PDE7B: variants seen among roughly 807,000 people sequenced by gnomAD.
The protein encoded by PDE7B is 3',5'-cyclic-AMP phosphodiesterase 7B.
PDE7B carries 29 observed loss-of-function variants against 56.2 expected under a neutral mutation model. The ratio of observed to expected loss-of-function variants is 0.52; its 90% CI spans 0.38 to 0.70. PDE7B has a LOEUF of 0.70. Among genes scored for constraint, PDE7B ranks in the 30% least tolerant of loss-of-function variants. PDE7B has a pLI of 0.00. For synonymous variants in PDE7B, 197 were observed against 196.9 expected (o/e 1.00, Z 0.00); for missense variants, 490 against 565.0 (o/e 0.87, Z 1.35).
intron 1 of PDE7B, among the ~76,000 whole-genome samples, chr6:135,922,901 T>G (rs898951430): frequency 9.2e-5 from 14 of 152,216 alleles, no homozygotes; most frequent in African/African-American, 3.1e-4. Flanking sequence ...AGATGCAGTA[T>G]GACTTTACGA....
At chr6:136,181,008 T>C (rs1049621072) in intron 10 of PDE7B, among the ~76,000 whole-genome samples, 1 of 152,236 alleles carries the variant, frequency 6.6e-6, no homozygotes, top group Admixed American at 6.5e-5. Context: ...ACTGTGGCTC[T>C]TCTCTCCTCA....
intron 8 of PDE7B, among the ~76,000 whole-genome samples, chr6:136,169,934 G>C (rs1166924097): frequency 2.0e-5 from 3 of 152,166 alleles, no homozygotes; most frequent in Non-Finnish European, 2.9e-5. Context: ...TTAGTGAAAT[G>C]AATAGCAATA....
intron 1 of PDE7B, among the ~76,000 whole-genome samples, chr6:135,923,054 T>G (rs978500475): frequency 6.6e-6 from 1 of 152,208 alleles, no homozygotes; most frequent in Non-Finnish European, 1.5e-5. Flanking sequence ...AAAACCTCCC[T>G]GCTTCACTAG....
rs570349208 is a variant in PDE7B at position 135,979,555 on chromosome 6, T to G, written c.82+32031T>G. On this transcript the variant is annotated intron_variant, in intron 2 of 12. Coordinates refer to ENST00000308191, the MANE Select transcript of PDE7B (RefSeq NM_018945.4). ...TATTGATTATTGCCACAATTTCAGA[T>G]CCTGTTATTGGTCTATTCAGAGATT... is the stretch of plus-strand genomic sequence containing the variant. Among the ~76,000 whole-genome samples the G allele has an allele frequency of 6.4e-3, 971 of 152,074 alleles. 7 individuals carry two copies. The highest frequency in any genetic ancestry group is 0.022 in the African/African-American group (914 of 41,486).
intron 11 of PDE7B, among the ~76,000 whole-genome samples, chr6:136,181,736 T>G (rs1779070580): frequency 6.6e-6 from 1 of 150,780 alleles, no homozygotes; most frequent in Admixed American, 6.6e-5. Context: ...TTAGACTCCT[T>G]TTGTATTCCT....
At chr6:136,017,783 G>C (rs1382816361) in intron 2 of PDE7B, among the ~76,000 whole-genome samples, 1 of 152,052 alleles carries the variant, frequency 6.6e-6, no homozygotes, top group African/African-American at 2.4e-5. Flanking sequence ...TCTCTAATTA[G>C]CATAGGAAAT....
At chr6:136,123,507 G>A (rs1224868638) in intron 3 of PDE7B, among the ~76,000 whole-genome samples, 1 of 152,134 alleles carries the variant, frequency 6.6e-6, no homozygotes, top group Admixed American at 6.6e-5. Context: ...CATCTCAGAA[G>A]GAAATGTCTT....
In PDE7B at chr6:136,193,342, A is replaced by T. The variant is rs1430465546; in HGVS notation, c.*1502A>T. On this transcript the variant is annotated 3_prime_UTR_variant, in exon 13 of 13. Transcript: ENST00000308191. ...CTTAATCTCATGTGAACAACTACCC[A>T]ACTGTTTAGCTGAAGTTCATATTAT... 2 of 152,648 alleles carry T rather than the reference A, an allele frequency of 1.3e-5. No homozygotes were observed. Among genetic ancestry groups the T allele is most frequent in the Admixed American group, 1.3e-4 (2 of 15,288 alleles). 9.5% of individuals were successfully genotyped at this position (152,648 alleles called of 1,614,324 possible). A position where few individuals can be genotyped will look rare whatever the true frequency, so the allele number is the denominator to read the frequency against.
chr6:136,055,002 T>A (rs1277275701), intron 2 of PDE7B, among the ~76,000 whole-genome samples: 2 of 152,210 alleles, frequency 1.3e-5, no homozygotes, highest in Non-Finnish European at 1.5e-5. Flanking sequence ...TAGGGACTAT[T>A]ACAATTCAAG....
chr6:135,878,723 A>G (rs1008836805), intron 1 of PDE7B, among the ~76,000 whole-genome samples: 1 of 152,178 alleles, frequency 6.6e-6, no homozygotes, highest in East Asian at 1.9e-4. Flanking sequence ...TTGGGAGGGT[A>G]TCTTCTTTTC....
At chr6:136,046,543 C>T (rs780959495) in intron 2 of PDE7B, among the ~76,000 whole-genome samples, 3 of 152,224 alleles carry the variant, frequency 2.0e-5, no homozygotes, top group African/African-American at 7.2e-5. Context: ...CAATGTTTCT[C>T]CTGCACACGC....
At chr6:135,945,386 C>T (rs1257724036) in intron 1 of PDE7B, among the ~76,000 whole-genome samples, 1 of 152,148 alleles carries the variant, frequency 6.6e-6, no homozygotes, top group Non-Finnish European at 1.5e-5. Context: ...CTCTTTTGCA[C>T]CCTTAATCTG....
rs574778986 is a variant in PDE7B at position 136,140,286 on chromosome 6, C to T, written c.167-7065C>T. ...GTCAAAGACCAGAGAGTTGTAGATACGCAGCATTATTTCTGAGGGCTCTGT... is the reference window on the plus strand; with the variant it reads ...GTCAAAGACCAGAGAGTTGTAGATATGCAGCATTATTTCTGAGGGCTCTGT... On this transcript the variant is annotated intron_variant, in intron 3 of 12. Coordinates refer to ENST00000308191, the MANE Select transcript of PDE7B (RefSeq NM_018945.4). Among the ~76,000 whole-genome samples the T allele has an allele frequency of 2.0e-3, 299 of 151,990 alleles. 3 individuals are homozygous for T. Among genetic ancestry groups the T allele is most frequent in the African/African-American group, 6.3e-3 (262 of 41,478 alleles).
chr6:135,924,947 A>G (rs564817272), intron 1 of PDE7B, among the ~76,000 whole-genome samples: 1 of 150,814 alleles, frequency 6.6e-6, no homozygotes, highest in African/African-American at 2.4e-5. Flanking sequence ...TGGGTGATGG[A>G]TATAGTTTTA....
intron 3 of PDE7B, among the ~76,000 whole-genome samples, chr6:136,142,736 G>A (rs1301977081): frequency 6.6e-6 from 1 of 152,036 alleles, no homozygotes; most frequent in African/African-American, 2.4e-5. Context: ...GATCTTTGCT[G>A]GTTTAAAGTC....
intron 1 of PDE7B, among the ~76,000 whole-genome samples, chr6:135,897,649 A>G (rs1775926170): frequency 6.6e-6 from 1 of 152,232 alleles, no homozygotes; most frequent in Admixed American, 6.5e-5. Flanking sequence ...GAATGGAGAC[A>G]GCCTAAAAAG....
chr6:136,149,378 A>G (rs996977807), intron 5 of PDE7B, among the ~76,000 whole-genome samples: 3 of 152,238 alleles, frequency 2.0e-5, no homozygotes, highest in African/African-American at 7.2e-5. Flanking sequence ...TGTGACCTTG[A>G]TCATCCCAGA....
chr6:136,016,170 T>C (rs546182743), intron 2 of PDE7B, among the ~76,000 whole-genome samples: 1 of 152,204 alleles, frequency 6.6e-6, no homozygotes, highest in Non-Finnish European at 1.5e-5. Flanking sequence ...AAAAACAACC[T>C]ATCTGGGTCT....
intron 1 of PDE7B, among the ~76,000 whole-genome samples, chr6:135,897,813 C>T (rs1444620250): frequency 6.6e-6 from 1 of 152,156 alleles, no homozygotes; most frequent in Non-Finnish European, 1.5e-5. Flanking sequence ...CATGTAAGGG[C>T]TCATTCCTCT....
Sources: allele counts gnomAD v4.1 joint callset (sites outside exome capture counted in the v4.1 genomes callset), GRCh38; gene constraint gnomAD v4.1.1; transcripts MANE v1.5; gene names NCBI Gene and HGNC (gene_info 2026-07-23, HGNC 2026-07-21).